The following ESF1 variants were observed in gnomAD, a reference collection of about 807,000 sequenced individuals.
ESF1 encodes ESF1 homolog.
A neutral mutation model predicts 92.0 loss-of-function variants in ESF1; 58 were observed. The ratio of observed to expected loss-of-function variants is 0.63; its 90% confidence interval spans 0.51 to 0.78. The LOEUF (loss-of-function observed/expected upper bound fraction) is 0.78, where lower values mean the gene tolerates loss of function less well. ESF1 is among the 30% of genes least tolerant of loss of function. The probability of loss-of-function intolerance (pLI) is 0.00; values close to 1 mark genes in which losing one functional copy is unlikely to be tolerated. For synonymous variants in ESF1, 321 were observed against 313.7 expected (o/e 1.02, Z -0.24); for missense variants, 922 against 989.1 (o/e 0.93, Z 0.91).
At chr20:13,734,958 C>T (rs1300740643) in intron 9 of ESF1, among the ~76,000 whole-genome samples, 1 of 152,020 alleles carries the variant, frequency 6.6e-6, no homozygotes, top group Non-Finnish European at 1.5e-5. Context: ...CCTGGTCATC[C>T]TCTCTTCTAT....
chr20:13,726,536 T>C (rs1406935386), intron 11 of ESF1, among the ~76,000 whole-genome samples: 4 of 152,190 alleles, frequency 2.6e-5, no homozygotes, highest in Non-Finnish European at 5.9e-5. Flanking sequence ...GCCTACCCAA[T>C]GTAAACTCCC....
At position 13,715,084 on chromosome 20, in the gene ESF1, T is replaced by C. The variant is rs2049814983; in HGVS notation, c.2346A>G (p.Lys782=). 6.2e-7 allele frequency: 1 copy of C among 1,614,048 alleles called. No homozygotes were observed. Among genetic ancestry groups the C allele is most frequent in the Non-Finnish European group, 8.5e-7 (1 of 1,180,018 alleles). Residue 782 remains lysine (K), a synonymous_variant, in exon 14 of 14, where the codon AAA becomes AAG. Coordinates refer to ENST00000617257, the MANE Select transcript of ESF1 (RefSeq NM_001276380.2). ...NLDPSDPNFK[K]TKAMEKILEE... Reference sequence around the variant, plus strand: ...CAAGGATTTTTTCCATAGCTTTTGTTTTCTTGAAATTGGGATCTGAGGGGT... The same window carrying C: ...CAAGGATTTTTTCCATAGCTTTTGTCTTCTTGAAATTGGGATCTGAGGGGT...
At chr20:13,768,451 G>T (rs545358341) in intron 7 of ESF1, among the ~76,000 whole-genome samples, 1 of 151,954 alleles carries the variant, frequency 6.6e-6, no homozygotes, top group African/African-American at 2.4e-5. Context: ...GCATGGTGGC[G>T]TGCCCCTGTA....
chr20:13,746,774 C>G (rs1029473718), intron 9 of ESF1, among the ~76,000 whole-genome samples: 6 of 152,228 alleles, frequency 3.9e-5, no homozygotes, highest in African/African-American at 1.4e-4. Flanking sequence ...AACATTTCAA[C>G]TTCCCTAGCA....
intron 2 of ESF1, among the ~76,000 whole-genome samples, chr20:13,781,184 G>T (rs188869933): frequency 1.4e-4 from 22 of 152,116 alleles, no homozygotes; most frequent in African/African-American, 5.3e-4. Context: ...TTCTACTTTA[G>T]ATCTATATTG....
chr20:13,738,815 A>G (rs2049992742), intron 9 of ESF1, among the ~76,000 whole-genome samples: 1 of 152,168 alleles, frequency 6.6e-6, no homozygotes, highest in South Asian at 2.1e-4. Context: ...TGTGACATAC[A>G]GCACGCACCT....
intron 9 of ESF1, among the ~76,000 whole-genome samples, chr20:13,755,419 C>T (rs78678786): frequency 0.029 from 4,411 of 152,186 alleles, 139 homozygotes; most frequent in South Asian, 0.17. Flanking sequence ...ACTATTAATA[C>T]AGGGGAAGTT....
rs199913958 is a variant in ESF1 at position 13,784,282 on chromosome 20, CA to C, written c.-44+597del. ...GAGCCAAAAGTCGTTGATTATTAAG[CA>C]ACCCCCCCCCAAAATGATTAAAAGG... On this transcript the variant is annotated intron_variant, in intron 1 of 13. Transcript: ENST00000617257. Among the ~76,000 whole-genome samples the C allele has an allele frequency of 1.4e-3, 85 of 61,776 alleles. 2 individuals are homozygous for C. Among genetic ancestry groups the C allele is most frequent in the African/African-American group, 2.9e-3 (76 of 26,118 alleles). The allele number at this position is 61,776 out of a possible 152,430, so 40.5% of individuals were successfully genotyped here.
intron 7 of ESF1, among the ~76,000 whole-genome samples, chr20:13,768,902 AAAAAAAAAAAAG>A (rs1305250298): frequency 2.6e-5 from 4 of 151,148 alleles, no homozygotes; most frequent in African/African-American, 4.8e-5. Flanking sequence ...AGTCTCAAAA[AAAAAAAAAAAAG>A]AAAGAAAGGA....
Position 13,717,419 on chromosome 20 carries a change from C to G in ESF1, c.2211G>C (p.Lys737Asn). ...KIVEHQNLSK[K>N]KKKQLMKKKE... is the part of the protein sequence containing the mutation. The stretch of plus-strand genomic sequence containing the variant: ...TCTTTTTCATGAGCTGCTTTTTCTT[C>G]TTTTTGCTCAGATTCTGGTGCTCCA... The change falls in exon 13 of 14, where the codon AAG (lysine) becomes AAC (asparagine). Residue 737 changes from lysine to asparagine, a missense_variant. By Grantham distance (94) the Lys-to-Asn change is moderately conservative (BLOSUM62 0). Transcript: ENST00000617257. 6.2e-7 allele frequency: 1 copy of G among 1,614,050 alleles called. No homozygotes were observed. The highest frequency in any genetic ancestry group is 8.5e-7 in the Non-Finnish European group (1 of 1,180,000).
chr20:13,774,698 G>A (rs1437224874), intron 4 of ESF1, among the ~76,000 whole-genome samples: 1 of 152,150 alleles, frequency 6.6e-6, no homozygotes, highest in African/African-American at 2.4e-5. Flanking sequence ...TATTAGGTTG[G>A]CTTGAAATAT....
intron 11 of ESF1, among the ~76,000 whole-genome samples, chr20:13,719,883 A>C (rs949575865): frequency 2.6e-5 from 4 of 152,226 alleles, no homozygotes; most frequent in Admixed American, 2.0e-4. Context: ...CTGTAAATAT[A>C]AGTTTTAAAA....
intron 9 of ESF1, among the ~76,000 whole-genome samples, chr20:13,742,188 G>A (rs570431831): frequency 3.3e-5 from 5 of 152,238 alleles, no homozygotes; most frequent in Admixed American, 6.5e-5. Context: ...CCAATGTGAC[G>A]AAACCCTGTC....
chr20:13,763,822 T>A (rs573341642), intron 8 of ESF1, among the ~76,000 whole-genome samples: 5 of 152,346 alleles, frequency 3.3e-5, no homozygotes, highest in African/African-American at 1.2e-4. Flanking sequence ...AAATACACAT[T>A]TTCAAAGAGT....
At chr20:13,737,180 C>T (rs960100532) in intron 9 of ESF1, among the ~76,000 whole-genome samples, 1 of 152,162 alleles carries the variant, frequency 6.6e-6, no homozygotes, top group Non-Finnish European at 1.5e-5. Flanking sequence ...ATTTTAAGTG[C>T]ATATCCAAGG....
At chr20:13,767,020 GTAAGT>G (rs1345660963) in intron 7 of ESF1, 96 bp from the exon 8 acceptor site, 30 of 1,204,062 alleles carry the variant, frequency 2.5e-5, no homozygotes, top group Non-Finnish European at 3.5e-5. Flanking sequence ...ATGTTTAACA[GTAAGT>G]TAAAAGTTAA....
At chr20:13,772,755 A>G (rs1413797521) in intron 4 of ESF1, 140 bp from the exon 5 acceptor site, 1 of 589,048 alleles carries the variant, frequency 1.7e-6, no homozygotes, top group Non-Finnish European at 3.0e-6. Flanking sequence ...AATCCACTAT[A>G]GGAAGCTAGA....
chr20:13,770,751 A>G (rs953716684), intron 6 of ESF1, among the ~76,000 whole-genome samples: 11 of 152,236 alleles, frequency 7.2e-5, no homozygotes, highest in Admixed American at 2.0e-4. Context: ...GGGAAAGCTT[A>G]AGGTTGAGTC....
At chr20:13,741,894 T>C (rs2050015666) in intron 9 of ESF1, among the ~76,000 whole-genome samples, 1 of 151,966 alleles carries the variant, frequency 6.6e-6, no homozygotes, top group African/African-American at 2.4e-5. Flanking sequence ...CAGAAGTAAA[T>C]AAAGAGCTGC....
Sources: gnomAD v4.1 joint callset for allele counts (sites outside exome capture counted in the v4.1 genomes callset) on GRCh38, gnomAD v4.1.1 for gene constraint, MANE v1.5 for transcripts, NCBI Gene and HGNC (gene_info 2026-07-23, HGNC 2026-07-21) for gene names.